Variants in VWC2 observed in about 807,000 individuals in gnomAD.
VWC2 encodes brorin.
In VWC2, 14 loss-of-function variants were observed where a neutral mutation model predicts 29.8. That is an observed-to-expected ratio of 0.47 (90% CI 0.31 to 0.74). The LOEUF is 0.74. Among genes scored for constraint, VWC2 ranks in the 30% least tolerant of loss-of-function variants. VWC2 has a pLI of 0.05. For synonymous variants in VWC2, 213 were observed against 199.0 expected, an observed-to-expected ratio of 1.07 and a Z score of -0.59; for missense variants, 457 against 459.8, an observed-to-expected ratio of 0.99 and a Z score of 0.05.
intron 3 of VWC2, among the ~76,000 whole-genome samples, chr7:49,898,704 A>G (rs892945249): frequency 6.6e-6 from 1 of 152,138 alleles, no homozygotes; most frequent in African/African-American, 2.4e-5. Flanking sequence ...GACAATGGAT[A>G]AAAAGAAGAA....
intron 3 of VWC2, among the ~76,000 whole-genome samples, chr7:49,817,389 C>G (rs566571226): frequency 6.6e-6 from 1 of 152,336 alleles, no homozygotes; most frequent in South Asian, 2.1e-4. Flanking sequence ...GCATCCAAAA[C>G]ACTTACATGG....
At chr7:49,816,807 C>A (rs532129309) in intron 3 of VWC2, among the ~76,000 whole-genome samples, 29 of 152,308 alleles carry the variant, frequency 1.9e-4, no homozygotes, top group Non-Finnish European at 2.5e-4. Context: ...CTGGCACATT[C>A]TAGCTTTATC....
At chr7:49,851,011 C>T (rs1236177041) in intron 3 of VWC2, among the ~76,000 whole-genome samples, 1 of 152,208 alleles carries the variant, frequency 6.6e-6, no homozygotes, top group Non-Finnish European at 1.5e-5. Context: ...TACTCGTCCG[C>T]AATTCTGCAG....
At chr7:49,907,388 GA>G (rs1793162268) in intron 3 of VWC2, among the ~76,000 whole-genome samples, 2 of 152,140 alleles carry the variant, frequency 1.3e-5, no homozygotes, top group Admixed American at 6.5e-5. Context: ...CTGGCTCTAA[GA>G]AGTGCAAAAT....
intron 3 of VWC2, among the ~76,000 whole-genome samples, chr7:49,905,864 T>C (rs1449665436): frequency 6.6e-6 from 1 of 152,142 alleles, no homozygotes; most frequent in Non-Finnish European, 1.5e-5. Flanking sequence ...AAAACCAAGA[T>C]GGCCATGAGA....
chr7:49,834,198 G>C (rs1789603401), intron 3 of VWC2, among the ~76,000 whole-genome samples: 1 of 152,166 alleles, frequency 6.6e-6, no homozygotes, highest in African/African-American at 2.4e-5. Context: ...CTGGTTAGCT[G>C]AATATCACCG....
chr7:49,891,605 T>C (rs1214571738), intron 3 of VWC2, among the ~76,000 whole-genome samples: 1 of 152,052 alleles, frequency 6.6e-6, no homozygotes, highest in Non-Finnish European at 1.5e-5. Context: ...GTCGATAAAA[T>C]ATAACAATAA....
rs1343955779 is a variant in VWC2, at chr7:49,921,328, T to C, written c.*9143T>C. On this transcript the variant is annotated 3_prime_UTR_variant, in exon 4 of 4. Coordinates refer to ENST00000340652, the MANE Select transcript of VWC2 (RefSeq NM_198570.5). ...CATCCCTGGCCTGAGCCTTACTCCA[T>C]AGCTATAGAGACATAGTCTCTAGAA... The C allele has an allele frequency of 2.0e-5, 3 of 152,214 alleles. No individual in the cohort carries two copies. The highest frequency in any genetic ancestry group is 4.4e-5 in the Non-Finnish European group (3 of 68,040). The allele number at this position is 152,214 out of a possible 1,614,324, so 9.4% of individuals were successfully genotyped here. A position where few individuals can be genotyped will look rare whatever the true frequency, so the allele number is the denominator to read the frequency against.
intron 3 of VWC2, among the ~76,000 whole-genome samples, chr7:49,869,855 G>A (rs6963083): frequency 0.67 from 102,105 of 151,772 alleles, 35,204 homozygotes; most frequent in East Asian, 0.88. Flanking sequence ...AGCTTACTAG[G>A]TACCCATTCA....
In VWC2 at chr7:49,854,318, C is replaced by T. The variant is rs577185638; in HGVS notation, c.826+51478C>T. Among the ~76,000 whole-genome samples, 85 of 152,318 alleles carry T rather than the reference C, an allele frequency of 5.6e-4. 1 individual carries two copies. Among genetic ancestry groups the T allele is most frequent in the African/African-American group, 2.0e-3 (85 of 41,578 alleles). On this transcript the variant is annotated intron_variant, in intron 3 of 3. Coordinates refer to ENST00000340652, the MANE Select transcript of VWC2 (RefSeq NM_198570.5). The stretch of plus-strand genomic sequence containing the variant: ...CTTCCACAATGGTTGAACTAGTTTA[C>T]AGTCCCACCAACAATGTAAACGTGT...
chr7:49,796,305 T>G (rs2128704733), intron 2 of VWC2, among the ~76,000 whole-genome samples: 1 of 152,360 alleles, frequency 6.6e-6, no homozygotes, highest in South Asian at 2.1e-4. Context: ...GGGGTTTTCA[T>G]GCCTCCCATT....
chr7:49,775,665 A>C lies in VWC2; in HGVS notation c.230A>C (p.Lys77Thr). The stretch of plus-strand genomic sequence containing the variant: ...GAGGGCGGCAGCGGCCGGGACTGGA[A>C]GAGCAAGAGCGGCCGTGGGCTCGCC... ...RDEGGSGRDW[K>T]SKSGRGLAGR... is the part of the protein sequence containing the mutation. The change falls in exon 2 of 4, where the codon AAG becomes ACG. Residue 77 changes from lysine to threonine, a missense_variant. Physicochemically the swap from Lys to Thr is moderately conservative, Grantham distance 78 (BLOSUM62 -1). Around this residue, in one of 2 missense-constraint regions of VWC2, gnomAD observed 272 missense variants for 202.7 expected, o/e 1.34. Coordinates refer to ENST00000340652, the MANE Select transcript of VWC2 (RefSeq NM_198570.5). 6.6e-7 allele frequency: 1 copy of C among 1,526,152 alleles called. No individual in the cohort carries two copies. Among genetic ancestry groups the C allele is most frequent in the East Asian group, 2.6e-5 (1 of 38,894 alleles). The allele number at this position is 1,526,152 out of a possible 1,614,324, so 94.5% of individuals were successfully genotyped here. A position where few individuals can be genotyped will look rare whatever the true frequency, so the allele number is the denominator to read the frequency against.
At chr7:49,876,590 CTG>C (rs1280652635) in intron 3 of VWC2, among the ~76,000 whole-genome samples, 2 of 152,156 alleles carry the variant, frequency 1.3e-5, no homozygotes, top group Non-Finnish European at 2.9e-5. Context: ...TGGAGAAACT[CTG>C]TGAGCATTAA....
intron 3 of VWC2, among the ~76,000 whole-genome samples, chr7:49,890,193 C>G (rs925838826): frequency 6.6e-6 from 1 of 152,078 alleles, no homozygotes; most frequent in African/African-American, 2.4e-5. Flanking sequence ...GCATAAGTAG[C>G]AAAAAGACAA....
chr7:49,775,786 C>T lies in VWC2; in HGVS notation c.351C>T (p.Thr117=). ...TGCAGGTCCGGCCCCGCGGGGACAC[C>T]CCGCAGGCGGAAGCCCTGGCCGCAG... is the stretch of plus-strand genomic sequence containing the variant. ...GDLQVRPRGD[T]PQAEALAAAA... Residue 117 remains threonine (T), a synonymous_variant, in exon 2 of 4, where the codon ACC becomes ACT. Coordinates refer to ENST00000340652, the MANE Select transcript of VWC2 (RefSeq NM_198570.5). 1.3e-6 allele frequency: 2 copies of T among 1,526,256 alleles called. No individual in the cohort carries two copies. Among genetic ancestry groups the T allele is most frequent in the Non-Finnish European group, 1.8e-6 (2 of 1,137,458 alleles). 94.5% of individuals were successfully genotyped at this position (1,526,256 alleles called of 1,614,324 possible). A position where few individuals can be genotyped will look rare whatever the true frequency, so the allele number is the denominator to read the frequency against.
chr7:49,777,996 C>A (rs1017637169), intron 2 of VWC2, among the ~76,000 whole-genome samples: 1 of 150,848 alleles, frequency 6.6e-6, no homozygotes, highest in East Asian at 1.9e-4. Flanking sequence ...TAGTAATTTT[C>A]TGGAATTGTC....
chr7:49,792,869 C>A (rs1319893484), intron 2 of VWC2, among the ~76,000 whole-genome samples: 1 of 152,164 alleles, frequency 6.6e-6, no homozygotes, highest in East Asian at 1.9e-4. Flanking sequence ...TGATGTCGGG[C>A]AGTCAGGGGC....
At chr7:49,885,299 A>T (rs936368740) in intron 3 of VWC2, among the ~76,000 whole-genome samples, 2 of 152,168 alleles carry the variant, frequency 1.3e-5, no homozygotes, top group African/African-American at 2.4e-5. Flanking sequence ...GTAATTTCTC[A>T]ACAAATTTCA....
At chr7:49,907,951 T>A (rs1165087719) in intron 3 of VWC2, among the ~76,000 whole-genome samples, 1 of 152,184 alleles carries the variant, frequency 6.6e-6, no homozygotes, top group African/African-American at 2.4e-5. Context: ...AGACTCTTCA[T>A]TAATTCTCTC....
Sources: allele counts gnomAD v4.1 joint callset (sites outside exome capture counted in the v4.1 genomes callset), GRCh38; gene constraint gnomAD v4.1.1; regional missense constraint gnomAD v4.1.1; transcripts MANE v1.5; gene names NCBI Gene and HGNC (gene_info 2026-07-23, HGNC 2026-07-21).